The following LUZP2 variants were observed in gnomAD, a reference collection of about 807,000 sequenced individuals.
The protein encoded by LUZP2 is leucine zipper protein 2.
In LUZP2, 52 loss-of-function variants were observed where a neutral mutation model predicts 51.6. That is an observed-to-expected ratio of 1.01 (90% CI 0.81 to 1.27). The LOEUF (loss-of-function observed/expected upper bound fraction) is 1.27, where lower values mean the gene tolerates loss of function less well. Among genes scored for constraint, LUZP2 ranks in the 50% most tolerant of loss-of-function variants. LUZP2 has a pLI of 0.00. For missense variants in LUZP2, 436 were observed against 395.4 expected (o/e 1.10, Z -0.87); for synonymous variants, 154 against 137.3 (o/e 1.12, Z -0.85).
At position 25,078,948 on chromosome 11, in the gene LUZP2, C is replaced by T. The variant is rs16913601; in HGVS notation, c.*290C>T. On this transcript the variant is annotated 3_prime_UTR_variant, in exon 12 of 12. Transcript: ENST00000336930. ...AATGCTATCTAACATGTAATTCTCC[C>T]GGTTCATTTGGATATCTAGTACTTC... The T allele has an allele frequency of 7.1e-3, 1,804 of 255,262 alleles. 53 individuals are homozygous for T. The East Asian group carries it at 0.094, about 13-fold the overall frequency. 15.8% of individuals were successfully genotyped at this position (255,262 alleles called of 1,614,324 possible). A position where few individuals can be genotyped will look rare whatever the true frequency, so the allele number is the denominator to read the frequency against.
intron 9 of LUZP2, among the ~76,000 whole-genome samples, chr11:25,021,841 T>A (rs1857342927): frequency 6.6e-6 from 1 of 151,890 alleles, no homozygotes; most frequent in Non-Finnish European, 1.5e-5. Context: ...CCCATGGAGA[T>A]CAGATATGAA....
intron 1 of LUZP2, among the ~76,000 whole-genome samples, chr11:24,637,195 A>G (rs1438481992): frequency 6.6e-6 from 1 of 151,782 alleles, no homozygotes; most frequent in Non-Finnish European, 1.5e-5. Flanking sequence ...GAACAGAGAG[A>G]TCGGCTGGAG....
chr11:24,864,999 C>T (rs1214262215), intron 5 of LUZP2, among the ~76,000 whole-genome samples: 1 of 152,182 alleles, frequency 6.6e-6, no homozygotes, highest in Non-Finnish European at 1.5e-5. Flanking sequence ...CTTTGCACCC[C>T]TGTCTTGTCT....
chr11:24,867,640 C>T (rs751603996), intron 5 of LUZP2, among the ~76,000 whole-genome samples: 3 of 152,114 alleles, frequency 2.0e-5, no homozygotes, highest in Non-Finnish European at 4.4e-5. Context: ...AACAGGGTCT[C>T]ACTGTTTCTA....
intron 5 of LUZP2, among the ~76,000 whole-genome samples, chr11:24,862,649 T>C (rs1851774417): frequency 6.6e-6 from 1 of 152,140 alleles, no homozygotes. Flanking sequence ...CTATCTTTAA[T>C]GCAAAGACAC....
At chr11:24,555,156 A>G (rs1052261311) in intron 1 of LUZP2, among the ~76,000 whole-genome samples, 14 of 152,106 alleles carry the variant, frequency 9.2e-5, no homozygotes, top group African/African-American at 2.4e-4. Flanking sequence ...TATTTGATGA[A>G]AAAGCTGGGC....
intron 1 of LUZP2, among the ~76,000 whole-genome samples, chr11:24,691,199 C>T (rs1448699277): frequency 2.0e-5 from 3 of 151,778 alleles, no homozygotes; most frequent in African/African-American, 4.8e-5. Flanking sequence ...GTACCTGATA[C>T]GTTTTATCCT....
At chr11:24,673,611 G>T (rs1409584511) in intron 1 of LUZP2, among the ~76,000 whole-genome samples, 1 of 152,110 alleles carries the variant, frequency 6.6e-6, no homozygotes. Flanking sequence ...TTAGCTCAGG[G>T]TTTCCAAATT....
intron 1 of LUZP2, among the ~76,000 whole-genome samples, chr11:24,548,539 A>C (rs1243448675): frequency 1.3e-5 from 2 of 151,930 alleles, no homozygotes; most frequent in African/African-American, 2.4e-5. Context: ...AATAGACACC[A>C]GTGACTACTT....
At chr11:24,908,843 C>G (rs931892874) in intron 6 of LUZP2, among the ~76,000 whole-genome samples, 2 of 151,156 alleles carry the variant, frequency 1.3e-5, no homozygotes. Context: ...GCAAGCTCCA[C>G]CTCCCAGGTT....
chr11:24,641,927 A>G (rs1345197246), intron 1 of LUZP2, among the ~76,000 whole-genome samples: 1 of 151,868 alleles, frequency 6.6e-6, no homozygotes, highest in Non-Finnish European at 1.5e-5. Context: ...TTGAGTCTCA[A>G]TCGGTCACCA....
At chr11:24,630,325 A>G (rs1487676899) in intron 1 of LUZP2, among the ~76,000 whole-genome samples, 4 of 151,818 alleles carry the variant, frequency 2.6e-5, no homozygotes, top group African/African-American at 9.7e-5. Context: ...TAGTTTCAGG[A>G]CTTCCATTTG....
At chr11:25,032,106 G>A (rs1857707631) in intron 9 of LUZP2, among the ~76,000 whole-genome samples, 1 of 152,088 alleles carries the variant, frequency 6.6e-6, no homozygotes, top group South Asian at 2.1e-4. Flanking sequence ...TAAGCCAAAG[G>A]ATGTGACTAG....
intron 9 of LUZP2, among the ~76,000 whole-genome samples, chr11:25,046,772 C>T (rs1483845917): frequency 6.6e-6 from 1 of 152,068 alleles, no homozygotes; most frequent in Non-Finnish European, 1.5e-5. Context: ...CTATAATATA[C>T]ATTTTTTAAA....
intron 5 of LUZP2, among the ~76,000 whole-genome samples, chr11:24,897,743 A>G (rs1033934840): frequency 1.3e-5 from 2 of 152,062 alleles, no homozygotes; most frequent in South Asian, 2.1e-4. Flanking sequence ...ACACAATATG[A>G]TTGTTGGTTG....
Position 24,976,637 on chromosome 11 carries a change from A to T in LUZP2, c.569A>T (p.Asn190Ile). The change falls in exon 8 of 12, where the codon AAT becomes ATT. Residue 190 changes from asparagine (N) to isoleucine (I), a missense_variant. By Grantham distance (149) the Asn-to-Ile change is moderately radical. Transcript: ENST00000336930. ...GAACAAAAATTAGCTGTAGCCAAAA[A>T]TGAACTGGAGAAAGCAGCTCTTGAC... ...DLEQKLAVAK[N>I]ELEKAALDRE... 6.3e-7 allele frequency: 1 copy of T among 1,598,060 alleles called. No homozygotes were observed. Among genetic ancestry groups the T allele is most frequent in the Non-Finnish European group, 8.5e-7 (1 of 1,172,942 alleles).
At chr11:24,824,726 T>G (rs1240491615) in intron 5 of LUZP2, among the ~76,000 whole-genome samples, 1 of 152,086 alleles carries the variant, frequency 6.6e-6, no homozygotes, top group Non-Finnish European at 1.5e-5. Flanking sequence ...AATCATCTGT[T>G]TCTTAGAAAT....
intron 7 of LUZP2, among the ~76,000 whole-genome samples, chr11:24,955,969 C>T (rs1032636172): frequency 3.3e-5 from 5 of 151,900 alleles, no homozygotes; most frequent in Non-Finnish European, 7.4e-5. Context: ...AAAGGAGAGA[C>T]AGCGAGAGAG....
chr11:25,029,172 G>A (rs1184402038), intron 9 of LUZP2, among the ~76,000 whole-genome samples: 2 of 152,114 alleles, frequency 1.3e-5, no homozygotes, highest in Non-Finnish European at 2.9e-5. Context: ...CTATTTGATA[G>A]CACAAGAGGG....
Sources: gnomAD v4.1 joint callset for allele counts (sites outside exome capture counted in the v4.1 genomes callset) on GRCh38, gnomAD v4.1.1 for gene constraint, MANE v1.5 for transcripts, NCBI Gene and HGNC (gene_info 2026-07-23, HGNC 2026-07-21) for gene names.